The following NAV1 variants were observed in gnomAD, a reference collection of about 807,000 sequenced individuals.
The protein encoded by NAV1 is neuron navigator 1.
Under a neutral mutation model 175.2 loss-of-function variants are expected in NAV1, and 18 were observed. The ratio of observed to expected loss-of-function variants is 0.10; its 90% CI spans 0.07 to 0.15. The LOEUF is 0.15. Ranked by LOEUF, NAV1 falls within the 10% of genes least tolerant of loss-of-function variation. NAV1 has a pLI of 1.00. For synonymous variants in NAV1, 897 were observed against 978.7 expected (o/e 0.92, Z 1.56); for missense variants, 1,731 against 2,436.6 (o/e 0.71, Z 6.10).
exon 2 of NAV1, chr1:201,712,853 T>A: frequency 6.2e-7 from 1 of 1,614,012 alleles, no homozygotes; most frequent in Non-Finnish European, 8.5e-7. Context: ...GTGCAGAATG[T>A]CCTGGATCTC....
At chr1:201,602,637 GTTTTTTTTTTTTGGT>G (rs1388906974) in intron 2 of NAV1, among the ~76,000 whole-genome samples, 15 of 114,436 alleles carry the variant, frequency 1.3e-4, no homozygotes, top group African/African-American at 2.6e-4. Context: ...CTTAAGCTAT[GTTTTTTTTTTTTGGT>G]TTTTTTTTTT....
Position 201,718,270 on chromosome 1 carries a change from G to A in NAV1, c.861-120G>A, listed in dbSNP as rs1672219583. On this transcript the variant is annotated intron_variant, in intron 2 of 29. Transcript: ENST00000367296. The surrounding 1 kb of genome is among the most constrained non-coding windows in gnomAD (Gnocchi z 4.8). ...CATGGAGGAGGTGGAGCTTGGGCAGGTGGGGAGGAGGTGACAGGGCCTGTG... is the reference window on the plus strand; with the variant it reads ...CATGGAGGAGGTGGAGCTTGGGCAGATGGGGAGGAGGTGACAGGGCCTGTG... The A allele has an allele frequency of 9.1e-7, 1 of 1,102,232 alleles. No homozygotes were observed. The highest frequency in any genetic ancestry group is 2.4e-5 in the South Asian group (1 of 41,898). 68.3% of individuals were successfully genotyped at this position (1,102,232 alleles called of 1,614,324 possible).
intron 2 of NAV1, among the ~76,000 whole-genome samples, chr1:201,592,546 C>T (rs535017422): frequency 6.6e-6 from 1 of 152,278 alleles, no homozygotes; most frequent in South Asian, 2.1e-4. Context: ...GCACTTTGCC[C>T]ACTTATTCCA....
At position 201,555,963 on chromosome 1, in the gene NAV1, A is replaced by G. The variant is rs566964236; in HGVS notation, c.-144+16621A>G. 3.3e-5 allele frequency among the ~76,000 whole-genome samples: 5 copies of G among 152,178 alleles called. No individual in the cohort carries two copies. In the South Asian group the frequency reaches 1.0e-3, roughly 32 times the overall value. The stretch of plus-strand genomic sequence containing the variant: ...GAGAACAGTCTGTGGAAAAGGCCCA[A>G]GAGGTATTTGAGTTGGGAGACTTAG... On this transcript the variant is annotated intron_variant, in intron 1 of 33. Transcript: ENST00000685211.
At chr1:201,673,302 G>A (rs753635224) in intron 1 of NAV1, 1 of 152,222 alleles carries the variant, frequency 6.6e-6, no homozygotes, top group Non-Finnish European at 1.5e-5. Flanking sequence ...GCGTCTATAA[G>A]GGATGGTCGT....
At chr1:201,556,759 G>A (rs1301608111) in intron 1 of NAV1, among the ~76,000 whole-genome samples, 1 of 152,172 alleles carries the variant, frequency 6.6e-6, no homozygotes. Flanking sequence ...CAGTCCTTGG[G>A]GCCCTCTCTG....
intron 3 of NAV1, among the ~76,000 whole-genome samples, chr1:201,756,105 C>CA (rs768758177): frequency 0.085 from 4,802 of 56,394 alleles, 335 homozygotes; most frequent in East Asian, 0.2. Flanking sequence ...AACTCTGTCT[C>CA]AAAAAAAAAA....
At chr1:201,800,860 A>T (rs1358657939) in intron 15 of NAV1, among the ~76,000 whole-genome samples, 2 of 109,968 alleles carry the variant, frequency 1.8e-5, no homozygotes, top group African/African-American at 7.3e-5. Flanking sequence ...TCTCGCTCTC[A>T]TTCTGTTGCC....
rs570252907 is a variant in NAV1, at chr1:201,652,003, TA to T, written c.757+2579del. Among the ~76,000 whole-genome samples, 913 of 150,606 alleles carry T rather than the reference TA, an allele frequency of 6.1e-3. 9 individuals are homozygous for T. Among genetic ancestry groups the T allele is most frequent in the African/African-American group, 0.021 (878 of 40,960 alleles). The stretch of plus-strand genomic sequence containing the variant: ...GAGGGTAGACTGCCTGGGGGAGGGG[TA>T]GAGGGAGAGGAACTACAGAGGGAAT... On this transcript the variant is annotated intron_variant, in intron 1 of 29. Transcript: ENST00000367296.
chr1:201,627,969 T>C (rs1668382708), intron 1 of NAV1, among the ~76,000 whole-genome samples: 1 of 151,098 alleles, frequency 6.6e-6, no homozygotes, highest in African/African-American at 2.4e-5. Flanking sequence ...CAAAACCCCA[T>C]CTCTACAAAA....
At chr1:201,754,128 C>T (rs1438053843) in intron 3 of NAV1, among the ~76,000 whole-genome samples, 1 of 152,086 alleles carries the variant, frequency 6.6e-6, no homozygotes, top group Non-Finnish European at 1.5e-5. Flanking sequence ...TTTAATATAA[C>T]CCCTTGATTC....
At chr1:201,803,482 T>G in intron 15 of NAV1, 111 bp from the exon 20 acceptor site, 1 of 1,066,358 alleles carries the variant, frequency 9.4e-7, no homozygotes, top group Non-Finnish European at 1.4e-6. Context: ...ATAATGTGAT[T>G]GAGGAGTTGG....
intron 2 of NAV1, among the ~76,000 whole-genome samples, chr1:201,632,548 G>A (rs1035182384): frequency 3.3e-5 from 5 of 152,242 alleles, no homozygotes; most frequent in South Asian, 4.1e-4. Flanking sequence ...ACGTTACCGC[G>A]TGCCCACATG....
At chr1:201,712,866 G>A in exon 2 of NAV1, 1 of 1,614,060 alleles carries the variant, frequency 6.2e-7, no homozygotes, top group Non-Finnish European at 8.5e-7. Flanking sequence ...TGGATCTCCG[G>A]CAGAACCTGG....
chr1:201,629,429 C>T, exon 2 of NAV1: 5 of 1,304,004 alleles, frequency 3.8e-6, no homozygotes, highest in Non-Finnish European at 5.1e-6. Flanking sequence ...GAAACCTGGC[C>T]CCCTCTCCCA....
intron 3 of NAV1, among the ~76,000 whole-genome samples, chr1:201,734,504 GAA>G (rs1558109187): frequency 7.3e-5 from 11 of 150,482 alleles, no homozygotes; most frequent in African/African-American, 2.7e-4. Flanking sequence ...AGAAGGAGAA[GAA>G]GAAGAAGAAG....
chr1:201,659,359 T>C (rs1669521546), intron 1 of NAV1, among the ~76,000 whole-genome samples: 1 of 152,224 alleles, frequency 6.6e-6, no homozygotes, highest in Admixed American at 6.5e-5. Flanking sequence ...CTCACACCTG[T>C]AATCCCAGCA....
chr1:201,554,217 G>A (rs996349256), intron 1 of NAV1, among the ~76,000 whole-genome samples: 1 of 152,154 alleles, frequency 6.6e-6, no homozygotes, highest in African/African-American at 2.4e-5. Flanking sequence ...GACAGACAGG[G>A]GTGTCTGGCC....
At position 201,678,488 on chromosome 1, in the gene NAV1, T is replaced by C. The variant is rs111310046; in HGVS notation, c.757+29063T>C. ...GTTGAGGCACAGAGAAGGCAAGGAC[T>C]CCGCTGGAAGTCACAGAGTTGATAA... On this transcript the variant is annotated intron_variant, in intron 1 of 29. Transcript: ENST00000367296. Among the ~76,000 whole-genome samples, 1,017 of 152,292 alleles carry C rather than the reference T, an allele frequency of 6.7e-3. 6 individuals are homozygous for C. Among genetic ancestry groups the C allele is most frequent in the Non-Finnish European group, 0.012 (827 of 68,024 alleles).
Sources: gnomAD v4.1 joint callset for allele counts (sites outside exome capture counted in the v4.1 genomes callset) on GRCh38, gnomAD v4.1.1 for gene constraint, Gnocchi (gnomAD v3.1) non-coding constraint, MANE v1.5 for transcripts, NCBI Gene and HGNC (gene_info 2026-07-23, HGNC 2026-07-21) for gene names.